The following TENM4 variants were observed in gnomAD, a reference collection of about 807,000 sequenced individuals.
The protein encoded by TENM4 is teneurin transmembrane protein 4, also known as teneurin-4.
A neutral mutation model predicts 243.3 loss-of-function variants in TENM4; 82 were observed. That is an observed-to-expected ratio of 0.34 (90% CI 0.28 to 0.40). TENM4 has a LOEUF of 0.40. Ranked by LOEUF, TENM4 falls within the 10% of genes least tolerant of loss-of-function variation. TENM4 has a pLI of 1.00. For missense variants in TENM4, 3,138 were observed against 3,673.3 expected (o/e 0.85, Z 3.77); for synonymous variants, 1,412 against 1,456.3 (o/e 0.97, Z 0.69).
intron 17 of TENM4, among the ~76,000 whole-genome samples, chr11:78,775,027 G>A (rs1856713443): frequency 2.0e-5 from 3 of 152,342 alleles, no homozygotes; most frequent in African/African-American, 7.2e-5. Flanking sequence ...AGGTCCTCAA[G>A]AAGAAGCTCC....
intron 1 of TENM4, among the ~76,000 whole-genome samples, chr11:79,409,060 TTGTGTGTGTGTGTGTGTG>T (rs559211499): frequency 4.9e-5 from 7 of 141,938 alleles, no homozygotes; most frequent in African/African-American, 1.3e-4. Context: ...GAGGGATATT[TTGTGTGTGTGTGTGTGTG>T]TGTGTGTGTG....
At chr11:79,218,748 A>C (rs1404971643) in intron 2 of TENM4, among the ~76,000 whole-genome samples, 1 of 152,122 alleles carries the variant, frequency 6.6e-6, no homozygotes, top group Non-Finnish European at 1.5e-5. Flanking sequence ...TTTTTCCCAG[A>C]GTACCTCCAG....
intron 3 of TENM4, among the ~76,000 whole-genome samples, chr11:79,205,753 T>G (rs1203486606): frequency 6.6e-6 from 1 of 152,242 alleles, no homozygotes; most frequent in Non-Finnish European, 1.5e-5. Flanking sequence ...GCTATTATAA[T>G]AACTAGAATG....
intron 2 of TENM4, among the ~76,000 whole-genome samples, chr11:79,223,229 G>A (rs1018829373): frequency 6.6e-6 from 1 of 152,130 alleles, no homozygotes. Flanking sequence ...TGTAAAAATG[G>A]CCTAACAAGA....
At chr11:79,019,711 C>T (rs1858876795) in intron 6 of TENM4, among the ~76,000 whole-genome samples, 1 of 152,110 alleles carries the variant, frequency 6.6e-6, no homozygotes, top group Admixed American at 6.5e-5. Flanking sequence ...AATAAGATGC[C>T]ATCATTATCT....
At chr11:79,120,019 C>T (rs112860647) in intron 4 of TENM4, among the ~76,000 whole-genome samples, 2 of 152,220 alleles carry the variant, frequency 1.3e-5, no homozygotes, top group African/African-American at 2.4e-5. Context: ...TCCCCTCCCC[C>T]ATCAATACCC....
chr11:78,722,775 G>A lies in TENM4; in HGVS notation c.3693C>T (p.Ala1231=). The A allele has an allele frequency of 1.9e-6, 3 of 1,614,082 alleles. No individual in the cohort carries two copies. Among genetic ancestry groups the A allele is most frequent in the Non-Finnish European group, 1.7e-6 (2 of 1,179,904 alleles). The change falls in exon 24 of 34, where the codon GCC becomes GCT. Residue 1231 remains alanine (A), a synonymous_variant. Transcript: ENST00000278550. ...CAGAGCCACAGGTGAGGGCCACTGG[G>A]GCCAGGAGCTTGTTGCCGTCAGCAA... is the stretch of plus-strand genomic sequence containing the variant. ...NGLADGNKLL[A]PVALTCGSDG... is the part of the protein sequence containing the mutation.
intron 12 of TENM4, among the ~76,000 whole-genome samples, chr11:78,852,602 G>A (rs1004783315): frequency 2.0e-5 from 3 of 152,156 alleles, no homozygotes; most frequent in African/African-American, 4.8e-5. Flanking sequence ...AGGATCACCC[G>A]AGCCCAGGAG....
chr11:78,670,661 G>A lies in TENM4; in HGVS notation c.5794-110C>T, dbSNP rs1434174526. ...AATGAATGTCCAAGGAGAATCCTGAGTTTCCATGGTTCTCTTGAGTTATGC... is the reference window on the plus strand; with the variant it reads ...AATGAATGTCCAAGGAGAATCCTGAATTTCCATGGTTCTCTTGAGTTATGC... On this transcript the variant is annotated intron_variant, in intron 31 of 33. Transcript: ENST00000278550. 3 of 1,100,500 alleles carry A rather than the reference G, an allele frequency of 2.7e-6. No individual in the cohort carries two copies. In the East Asian group the frequency reaches 7.1e-5, roughly 26 times the overall value. The allele number at this position is 1,100,500 out of a possible 1,614,324, so 68.2% of individuals were successfully genotyped here.
chr11:78,670,926 G>A (rs529142111), intron 31 of TENM4, among the ~76,000 whole-genome samples: 5 of 152,184 alleles, frequency 3.3e-5, no homozygotes, highest in Non-Finnish European at 7.4e-5. Flanking sequence ...GGTGGGGTGT[G>A]AGAACGGCCA....
At chr11:79,140,852 G>GAA (rs1326523192) in intron 4 of TENM4, among the ~76,000 whole-genome samples, 1 of 152,068 alleles carries the variant, frequency 6.6e-6, no homozygotes, top group Non-Finnish European at 1.5e-5. Context: ...GCTGCTCTGA[G>GAA]GGAAGCTGAT....
intron 1 of TENM4, among the ~76,000 whole-genome samples, chr11:79,356,005 T>A (rs1452917011): frequency 6.6e-6 from 1 of 152,160 alleles, no homozygotes; most frequent in African/African-American, 2.4e-5. Context: ...ATTACTTAGG[T>A]CTACTGCCTC....
chr11:79,124,252 G>A (rs1861814134), intron 4 of TENM4, among the ~76,000 whole-genome samples: 1 of 152,330 alleles, frequency 6.6e-6, no homozygotes, highest in Non-Finnish European at 1.5e-5. Context: ...AGGATACAAA[G>A]TATTATTCCT....
intron 9 of TENM4, among the ~76,000 whole-genome samples, chr11:78,881,570 G>A (rs116698339): frequency 5.9e-5 from 9 of 152,080 alleles, no homozygotes; most frequent in African/African-American, 1.7e-4. Context: ...TTAGCCAGGG[G>A]GTAGTACCAT....
Position 78,669,022 on chromosome 11 carries a change from G to T in TENM4, c.7323C>A (p.Ser2441Arg). Residue 2441 changes from serine (S) to arginine (R), a missense_variant, in exon 32 of 34, where the codon AGC (serine) becomes AGA (arginine). Physicochemically the swap from Ser to Arg is moderately radical, Grantham distance 110. Around this residue, in one of 2 missense-constraint regions of TENM4, gnomAD observed 2,467 missense variants for 3,059.1 expected, o/e 0.81. Coordinates refer to ENST00000278550, the MANE Select transcript of TENM4 (RefSeq NM_001098816.3). This position sits in a 1 kb window ranked among gnomAD's most constrained non-coding sequence, Gnocchi z 6.4. Reference protein sequence around the residue: ...PDHELWKHLSSSNVMPFNLYM... With the variant: ...PDHELWKHLSRSNVMPFNLYM... ...AGAGATTAAAAGGCATGACGTTGCT[G>T]CTACTAAGGTGCTTCCACAGCTCGT... 1 of 1,613,996 alleles carries T rather than the reference G, an allele frequency of 6.2e-7. No homozygotes were observed. Among genetic ancestry groups the T allele is most frequent in the Non-Finnish European group, 8.5e-7 (1 of 1,179,906 alleles).
chr11:79,103,056 C>G (rs1261957101), intron 4 of TENM4, among the ~76,000 whole-genome samples: 1 of 152,168 alleles, frequency 6.6e-6, no homozygotes, highest in Non-Finnish European at 1.5e-5. Context: ...GTTCCCTGTG[C>G]TCATCCTGCC....
In TENM4 at chr11:78,726,088, T is replaced by C; in HGVS notation, c.3541A>G (p.Ile1181Val). 6.2e-7 allele frequency: 1 copy of C among 1,614,020 alleles called. No homozygotes were observed. The highest frequency in any genetic ancestry group is 1.1e-5 in the South Asian group (1 of 91,066). Residue 1181 changes from isoleucine to valine, a missense_variant, in exon 23 of 34, where the codon ATT (isoleucine) becomes GTT (valine). Ile to Val is a conservative substitution (Grantham distance 29). This residue lies in a region of TENM4 where 2,467 missense variants were observed against 3,059.1 expected (regional missense o/e 0.81). Transcript: ENST00000278550. Reference sequence around the variant, plus strand: ...CTATTAATCCACTTACCACTTTGAATGTTGAGGGCATGATGTTTGTCTAGG... The same window carrying C: ...CTATTAATCCACTTACCACTTTGAACGTTGAGGGCATGATGTTTGTCTAGG... ...WSLDKHHALN[I>V]QSGILHKGNG...
intron 4 of TENM4, among the ~76,000 whole-genome samples, chr11:79,119,771 C>CA (rs1285071069): frequency 1.3e-5 from 2 of 152,204 alleles, no homozygotes; most frequent in Non-Finnish European, 2.9e-5. Flanking sequence ...CAGCCCGCCC[C>CA]TCTACTCTCT....
At chr11:78,719,218 C>A (rs943722037) in intron 25 of TENM4, among the ~76,000 whole-genome samples, 2 of 152,000 alleles carry the variant, frequency 1.3e-5, no homozygotes, top group Non-Finnish European at 2.9e-5. Context: ...GGAATTTTTT[C>A]AAGGCCACAT....
Sources: gnomAD v4.1 joint callset for allele counts (sites outside exome capture counted in the v4.1 genomes callset) on GRCh38, gnomAD v4.1.1 for gene constraint, gnomAD v4.1.1 regional missense constraint, Gnocchi (gnomAD v3.1) non-coding constraint, MANE v1.5 for transcripts, NCBI Gene and HGNC (gene_info 2026-07-23, HGNC 2026-07-21) for gene names.